DPP6: variants seen among roughly 807,000 people sequenced by gnomAD.
DPP6 encodes dipeptidyl peptidase like 6, also known as A-type potassium channel modulatory protein DPP6.
A neutral mutation model predicts 122.6 loss-of-function variants in DPP6; 69 were observed. The ratio of observed to expected loss-of-function variants is 0.56; its 90% CI spans 0.46 to 0.69. DPP6 has a LOEUF of 0.69. Ranked by LOEUF, DPP6 falls within the 30% of genes least tolerant of loss-of-function variation. The probability of loss-of-function intolerance (pLI) is 0.00; values close to 1 mark genes in which losing one functional copy is unlikely to be tolerated. For missense variants in DPP6, 928 were observed against 1,116.9 expected (o/e 0.83, Z 2.41); for synonymous variants, 418 against 433.1 (o/e 0.97, Z 0.43).
intron 21 of DPP6, chr7:154,883,794 CCGA>C (rs1343876288): frequency 1.4e-5 from 2 of 140,704 alleles, no homozygotes; most frequent in African/African-American, 5.4e-5. Context: ...ATTACATACA[CCGA>C]CTCACGCACA....
At chr7:154,827,208 A>ACGCG (rs896534995) in intron 16 of DPP6, among the ~76,000 whole-genome samples, 18 of 150,484 alleles carry the variant, frequency 1.2e-4, no homozygotes, top group African/African-American at 4.4e-4. Flanking sequence ...AGACACACAC[A>ACGCG]CACACACACA....
At chr7:154,298,215 C>T (rs1805666565) in intron 1 of DPP6, among the ~76,000 whole-genome samples, 1 of 152,192 alleles carries the variant, frequency 6.6e-6, no homozygotes, top group African/African-American at 2.4e-5. Context: ...CTGCAGACTT[C>T]ACATCTGCCA....
chr7:154,574,547 G>T (rs1214961577), intron 5 of DPP6, among the ~76,000 whole-genome samples: 2 of 142,972 alleles, frequency 1.4e-5, no homozygotes, highest in Non-Finnish European at 3.0e-5. Context: ...ATGGTGTGGT[G>T]TGTGTGTGGT....
chr7:154,325,234 C>T (rs753675690), intron 1 of DPP6, among the ~76,000 whole-genome samples: 7 of 152,076 alleles, frequency 4.6e-5, no homozygotes, highest in East Asian at 1.9e-4. Flanking sequence ...CCAATGGCTG[C>T]GAATCGGCAG....
At chr7:154,745,790 A>C (rs1587005165) in intron 8 of DPP6, among the ~76,000 whole-genome samples, 1 of 152,264 alleles carries the variant, frequency 6.6e-6, no homozygotes, top group Non-Finnish European at 1.5e-5. Context: ...CAGGAGTGAA[A>C]TCAAGCGAGA....
intron 7 of DPP6, among the ~76,000 whole-genome samples, chr7:154,686,598 C>A (rs1839620771): frequency 6.6e-6 from 1 of 152,174 alleles, no homozygotes; most frequent in Non-Finnish European, 1.5e-5. Flanking sequence ...AGCCCCAGGG[C>A]AGACACTGAA....
rs187963618 is a variant in DPP6, at chr7:154,551,866, C to T, written c.552+11240C>T. On this transcript the variant is annotated intron_variant, in intron 4 of 25. Coordinates refer to ENST00000377770, the MANE Select transcript of DPP6 (RefSeq NM_130797.4). ...GACAAAGTCTCTGAAGTCTTTTTCA[C>T]GGCAGAGATAGTTGCGAATATCCTT... Among the ~76,000 whole-genome samples the T allele has an allele frequency of 2.6e-3, 400 of 152,174 alleles. 8 individuals are homozygous for T. The highest frequency in any genetic ancestry group is 0.01 in the Middle Eastern group (3 of 294).
At chr7:154,080,093 G>T (rs1288380170) in intron 1 of DPP6, among the ~76,000 whole-genome samples, 1 of 151,508 alleles carries the variant, frequency 6.6e-6, no homozygotes, top group Non-Finnish European at 1.5e-5. Context: ...GCCGGAAGTG[G>T]AACATGTTAT....
At chr7:154,504,797 G>GTT (rs34729018) in intron 3 of DPP6, among the ~76,000 whole-genome samples, 2,839 of 142,886 alleles carry the variant, frequency 0.02, 61 homozygotes, top group African/African-American at 0.045. Context: ...GTATCAGGGT[G>GTT]TTTTTTTTTT....
chr7:153,782,759 C>G, the DPP6 span, among the ~76,000 whole-genome samples: 2 of 152,124 alleles, frequency 1.3e-5, no homozygotes, highest in African/African-American at 2.4e-5. Context: ...AGTGTTTTCT[C>G]AAGAATGGAG....
At chr7:154,861,141 C>G (rs1176165499) in intron 17 of DPP6, among the ~76,000 whole-genome samples, 1 of 152,192 alleles carries the variant, frequency 6.6e-6, no homozygotes, top group Non-Finnish European at 1.5e-5. Context: ...GAGAGAAAGT[C>G]TCATTATAAA....
chr7:154,569,789 A>AATCT (rs1039982202), intron 5 of DPP6, among the ~76,000 whole-genome samples: 23 of 151,926 alleles, frequency 1.5e-4, no homozygotes, highest in African/African-American at 5.6e-4. Context: ...TAATCTCTTC[A>AATCT]ATCTCTGCTT....
At chr7:154,647,504 T>C (rs1347996413) in intron 6 of DPP6, among the ~76,000 whole-genome samples, 4 of 152,126 alleles carry the variant, frequency 2.6e-5, no homozygotes, top group Non-Finnish European at 5.9e-5. Flanking sequence ...GTCTGCAGCA[T>C]GGAGATGAAG....
intron 1 of DPP6, among the ~76,000 whole-genome samples, chr7:154,405,352 A>G (rs767568733): frequency 6.6e-6 from 1 of 152,202 alleles, no homozygotes. Context: ...TCAGGTTTAA[A>G]TAATGTTTTG....
chr7:154,046,996 C>T (rs927886509), intron 1 of DPP6, among the ~76,000 whole-genome samples: 3 of 151,150 alleles, frequency 2.0e-5, no homozygotes, highest in African/African-American at 7.4e-5. Flanking sequence ...GACACTGGCT[C>T]TGTTTGTTTT....
chr7:154,154,134 G>T (rs2150692540), intron 1 of DPP6, among the ~76,000 whole-genome samples: 1 of 152,358 alleles, frequency 6.6e-6, no homozygotes, highest in East Asian at 1.9e-4. Flanking sequence ...TTGCCATATT[G>T]ATTGGTGATC....
At chr7:153,949,279 G>A (rs949768737) in intron 1 of DPP6, among the ~76,000 whole-genome samples, 4 of 152,234 alleles carry the variant, frequency 2.6e-5, no homozygotes, top group Non-Finnish European at 4.4e-5. Context: ...TGGCAGTAGC[G>A]CCTGGTAGCA....
At chr7:154,386,600 G>A (rs1266612268) in intron 1 of DPP6, among the ~76,000 whole-genome samples, 1 of 152,102 alleles carries the variant, frequency 6.6e-6, no homozygotes, top group Non-Finnish European at 1.5e-5. Context: ...ATATCATGAA[G>A]ACCAGTCCAC....
intron 5 of DPP6, among the ~76,000 whole-genome samples, chr7:154,617,761 C>T (rs536629958): frequency 6.6e-6 from 1 of 152,272 alleles, no homozygotes; most frequent in South Asian, 2.1e-4. Flanking sequence ...AATAGCAAAT[C>T]ATTCTCAGTT....
Sources: allele counts gnomAD v4.1 joint callset (sites outside exome capture counted in the v4.1 genomes callset), GRCh38; gene constraint gnomAD v4.1.1; transcripts MANE v1.5; gene names NCBI Gene and HGNC (gene_info 2026-07-23, HGNC 2026-07-21).